CWF19L2: variants seen among roughly 807,000 people sequenced by gnomAD.
CWF19L2 encodes CWF19 like cell cycle control factor 2, also known as CWF19-like protein 2.
Under a neutral mutation model 111.7 loss-of-function variants are expected in CWF19L2, and 98 were observed. The observed-to-expected ratio is 0.88, with a 90% CI of 0.75 to 1.04. The LOEUF (loss-of-function observed/expected upper bound fraction) is 1.04, where lower values mean the gene tolerates loss of function less well. CWF19L2 is among the 50% of genes least tolerant of loss of function. CWF19L2 has a pLI of 0.00. For synonymous variants in CWF19L2, 351 were observed against 342.9 expected, an observed-to-expected ratio of 1.02 and a Z score of -0.26; for missense variants, 1,101 against 1,051.4, an observed-to-expected ratio of 1.05 and a Z score of -0.65.
chr11:107,454,543 T>TA lies in CWF19L2; in HGVS notation c.245_246insT (p.Lys82AsnfsTer22). 1 of 1,462,742 alleles carries TA rather than the reference T, an allele frequency of 6.8e-7. No homozygotes were observed. Among genetic ancestry groups the TA allele is most frequent in the Non-Finnish European group, 9.0e-7 (1 of 1,113,570 alleles). 90.6% of individuals were successfully genotyped at this position (1,462,742 alleles called of 1,614,324 possible). A position where few individuals can be genotyped will look rare whatever the true frequency, so the allele number is the denominator to read the frequency against. On this transcript the variant is annotated frameshift_variant, in exon 3 of 18. Transcript: ENST00000282251. LOFTEE classifies it high-confidence loss of function. ...TCTTTGCTTTTTTTGAATGCTTGTC[T>TA]TTTTTCTTCTTTTTCTTCACAGAGT...
At chr11:107,333,991 C>T (rs944857798) in intron 16 of CWF19L2, among the ~76,000 whole-genome samples, 2 of 152,182 alleles carry the variant, frequency 1.3e-5, no homozygotes, top group Non-Finnish European at 2.9e-5. Context: ...AATACCTAAG[C>T]AAATGAGTGT....
intron 12 of CWF19L2, among the ~76,000 whole-genome samples, chr11:107,379,731 C>G (rs565342320): frequency 3.4e-4 from 51 of 152,132 alleles, no homozygotes; most frequent in Non-Finnish European, 6.2e-4. Flanking sequence ...AAAGAAAAAC[C>G]TGAAATACTA....
At chr11:107,332,665 T>C (rs1859866813) in intron 16 of CWF19L2, among the ~76,000 whole-genome samples, 1 of 152,156 alleles carries the variant, frequency 6.6e-6, no homozygotes, top group African/African-American at 2.4e-5. Flanking sequence ...ATAATAATGT[T>C]AAAATAACTC....
intron 10 of CWF19L2, chr11:107,404,024 T>C (rs919594444): frequency 1.4e-5 from 11 of 777,408 alleles, no homozygotes; most frequent in African/African-American, 1.0e-4. Flanking sequence ...GAAGAGGTGA[T>C]GGTTTCACTA....
intron 11 of CWF19L2, among the ~76,000 whole-genome samples, chr11:107,390,723 T>C (rs899055872): frequency 6.6e-6 from 1 of 152,196 alleles, no homozygotes; most frequent in Non-Finnish European, 1.5e-5. Flanking sequence ...GCTATGAGCA[T>C]GAAGTACTCA....
intron 11 of CWF19L2, among the ~76,000 whole-genome samples, chr11:107,391,046 C>A (rs1159297947): frequency 6.6e-6 from 1 of 152,196 alleles, no homozygotes; most frequent in Non-Finnish European, 1.5e-5. Flanking sequence ...CTTGGACTTA[C>A]ACCAGTGGTT....
chr11:107,355,825 C>A (rs1860229270), intron 12 of CWF19L2, among the ~76,000 whole-genome samples: 1 of 152,168 alleles, frequency 6.6e-6, no homozygotes, highest in Non-Finnish European at 1.5e-5. Flanking sequence ...TAATTGGTAG[C>A]ACAAACAGAA....
intron 6 of CWF19L2, among the ~76,000 whole-genome samples, chr11:107,435,426 T>G (rs1040884687): frequency 4.6e-5 from 7 of 152,136 alleles, no homozygotes; most frequent in African/African-American, 1.7e-4. Context: ...CATAAAATTA[T>G]CTGTGAAACT....
chr11:107,416,730 A>T (rs1861231773), intron 9 of CWF19L2, among the ~76,000 whole-genome samples: 1 of 152,212 alleles, frequency 6.6e-6, no homozygotes, highest in South Asian at 2.1e-4. Context: ...ACTCTAGGAA[A>T]CTTATAGAAA....
intron 10 of CWF19L2, among the ~76,000 whole-genome samples, chr11:107,411,974 A>T (rs1201243961): frequency 6.6e-6 from 1 of 152,212 alleles, no homozygotes; most frequent in Non-Finnish European, 1.5e-5. Flanking sequence ...GCTCCCATGA[A>T]GCTTGTGCTA....
chr11:107,433,425 T>A (rs964523632), intron 7 of CWF19L2, among the ~76,000 whole-genome samples: 4 of 152,148 alleles, frequency 2.6e-5, no homozygotes, highest in African/African-American at 7.2e-5. Flanking sequence ...CACACCCACA[T>A]TTAAGTTTTA....
At chr11:107,341,888 T>C (rs1565244511) in intron 14 of CWF19L2, among the ~76,000 whole-genome samples, 1 of 152,194 alleles carries the variant, frequency 6.6e-6, no homozygotes, top group Non-Finnish European at 1.5e-5. Context: ...ATCTTTTTGA[T>C]GACTGCAAAA....
chr11:107,327,729 G>A (rs1859781486), intron 17 of CWF19L2, among the ~76,000 whole-genome samples: 1 of 152,124 alleles, frequency 6.6e-6, no homozygotes, highest in South Asian at 2.1e-4. Flanking sequence ...TTAGGCATGT[G>A]AGTATCCATG....
At chr11:107,362,200 C>G (rs938653644) in intron 12 of CWF19L2, among the ~76,000 whole-genome samples, 5 of 46,218 alleles carry the variant, frequency 1.1e-4, no homozygotes, top group Admixed American at 4.4e-4. Context: ...CTGATTGCTA[C>G]CACAGCAGCT....
intron 10 of CWF19L2, among the ~76,000 whole-genome samples, chr11:107,399,894 G>A (rs1238002154): frequency 6.6e-6 from 1 of 152,012 alleles, no homozygotes; most frequent in Non-Finnish European, 1.5e-5. Flanking sequence ...GAATAAAACT[G>A]GAAATTAACT....
chr11:107,417,979 C>T (rs772185263), intron 9 of CWF19L2, among the ~76,000 whole-genome samples: 14 of 152,086 alleles, frequency 9.2e-5, no homozygotes, highest in Non-Finnish European at 2.1e-4. Flanking sequence ...AGGCTGGTCT[C>T]GAACTCCTGA....
At chr11:107,378,395 A>T (rs1860628017) in intron 12 of CWF19L2, among the ~76,000 whole-genome samples, 1 of 151,712 alleles carries the variant, frequency 6.6e-6, no homozygotes, top group Non-Finnish European at 1.5e-5. Flanking sequence ...AGACTGGATT[A>T]AGAAAATGTG....
chr11:107,455,197 A>G (rs377369845), intron 2 of CWF19L2, among the ~76,000 whole-genome samples: 22 of 152,266 alleles, frequency 1.4e-4, no homozygotes, highest in African/African-American at 5.3e-4. Flanking sequence ...TAAGTTGATG[A>G]GGTGATGGAT....
intron 3 of CWF19L2, among the ~76,000 whole-genome samples, chr11:107,449,154 A>G (rs1157051704): frequency 6.7e-6 from 1 of 148,248 alleles, no homozygotes; most frequent in Non-Finnish European, 1.5e-5. Context: ...AAAAAAAAAA[A>G]GAAAACACTA....
Sources: gnomAD v4.1 joint callset for allele counts (sites outside exome capture counted in the v4.1 genomes callset) on GRCh38, gnomAD v4.1.1 for gene constraint, MANE v1.5 for transcripts, NCBI Gene and HGNC (gene_info 2026-07-23, HGNC 2026-07-21) for gene names.